The following FYB1 variants were observed in gnomAD, a reference collection of about 807,000 sequenced individuals.
FYB1 encodes FYN-binding protein 1.
FYB1 carries 41 observed loss-of-function variants against 94.1 expected under a neutral mutation model. That is an observed-to-expected ratio of 0.44 (90% CI 0.34 to 0.57). FYB1 has a LOEUF of 0.57. Among genes scored for constraint, FYB1 ranks in the 20% least tolerant of loss-of-function variants. The pLI is 0.02. For synonymous variants in FYB1, 367 were observed against 353.2 expected, an observed-to-expected ratio of 1.04 and a Z score of -0.44; for missense variants, 1,050 against 976.8, an observed-to-expected ratio of 1.07 and a Z score of -1.00.
In FYB1 at chr5:39,141,252, C is replaced by G. The variant is rs1580368819; in HGVS notation, c.1293-111G>C. On this transcript the variant is annotated intron_variant, in intron 3 of 18. Coordinates refer to ENST00000512982, the MANE Select transcript of FYB1 (RefSeq NM_001465.6). The stretch of plus-strand genomic sequence containing the variant: ...ATTGTTCTTTTTTCTTGAACCTTTG[C>G]TCTGATTTAAAGCTTCAGACATCAC... 14 of 785,668 alleles carry G rather than the reference C, an allele frequency of 1.8e-5. No homozygotes were observed. The East Asian group carries it at 3.5e-4, about 20-fold the overall frequency. 48.7% of individuals were successfully genotyped at this position (785,668 alleles called of 1,614,324 possible).
At chr5:39,160,718 A>G (rs1744170114) in intron 2 of FYB1, among the ~76,000 whole-genome samples, 1 of 152,202 alleles carries the variant, frequency 6.6e-6, no homozygotes, top group Non-Finnish European at 1.5e-5. Flanking sequence ...CAGGGCTGCT[A>G]TAAGAATTCA....
At chr5:39,167,276 T>C (rs1441223374) in intron 2 of FYB1, among the ~76,000 whole-genome samples, 4 of 151,944 alleles carry the variant, frequency 2.6e-5, no homozygotes, top group Non-Finnish European at 5.9e-5. Context: ...TCTCTGTCTC[T>C]CTCTCTCTCT....
intron 2 of FYB1, among the ~76,000 whole-genome samples, chr5:39,182,281 GCA>G (rs1357061741): frequency 7.9e-6 from 1 of 126,872 alleles, no homozygotes; most frequent in East Asian, 2.2e-4. Context: ...GTGTGTGTGT[GCA>G]TGCATGTGTG....
chr5:39,210,610 C>A (rs541884754), intron 1 of FYB1, among the ~76,000 whole-genome samples: 5 of 152,302 alleles, frequency 3.3e-5, no homozygotes, highest in South Asian at 4.1e-4. Context: ...CAAATTCGAA[C>A]CTTCAATGTT....
rs768216641 is a variant in FYB1 at position 39,202,287 on chromosome 5, G to T, written c.674C>A (p.Ser225Tyr). ...PMKNVSSSKG[S>Y]PAPLGVRSKS... Reference sequence around the variant, plus strand: ...GGACCTGACTCCCAGGGGAGCTGGGGACCCTTTTGATGAAGACACATTCTT... The same window carrying T: ...GGACCTGACTCCCAGGGGAGCTGGGTACCCTTTTGATGAAGACACATTCTT... Residue 225 changes from serine to tyrosine, a missense_variant, in exon 2 of 19, where the codon TCC (serine) becomes TAC (tyrosine). Ser to Tyr is a moderately radical substitution (Grantham distance 144). Coordinates refer to ENST00000512982, the MANE Select transcript of FYB1 (RefSeq NM_001465.6). The T allele has an allele frequency of 5.6e-6, 9 of 1,613,724 alleles. No homozygotes were observed. In the African/African-American group the frequency reaches 9.4e-5, roughly 17 times the overall value.
Position 39,244,931 on chromosome 5 carries a change from G to C in FYB1, c.-28+29472C>G, listed in dbSNP as rs147811166. Among the ~76,000 whole-genome samples the C allele has an allele frequency of 6.5e-3, 992 of 152,276 alleles. 15 individuals carry two copies. The highest frequency in any genetic ancestry group is 0.023 in the African/African-American group (941 of 41,556). ...AGGTTTTCTAGTTTATTTGCATAGA[G>C]GTGATTATAGTATTATCTGATGGTA... On this transcript the variant is annotated intron_variant, in intron 1 of 1. Transcript: ENST00000510188.
At chr5:39,225,956 A>G (rs1382667798) in intron 1 of FYB1, among the ~76,000 whole-genome samples, 3 of 128,942 alleles carry the variant, frequency 2.3e-5, no homozygotes, top group Non-Finnish European at 5.4e-5. Flanking sequence ...CCACAGTCTG[A>G]TCCAAGGCTT....
chr5:39,256,278 A>G (rs916484894), intron 1 of FYB1, among the ~76,000 whole-genome samples: 1 of 152,176 alleles, frequency 6.6e-6, no homozygotes, highest in Non-Finnish European at 1.5e-5. Context: ...CAAAAGGGAG[A>G]CCTAGCATCA....
intron 15 of FYB1, 29 bp downstream of exon 15, chr5:39,119,506 A>C (rs1561131626): frequency 6.9e-7 from 1 of 1,455,172 alleles, no homozygotes; most frequent in Non-Finnish European, 9.2e-7. Flanking sequence ...AGTGCTTTGT[A>C]CTTTGTATAA....
chr5:39,193,376 A>G (rs953777239), intron 2 of FYB1, among the ~76,000 whole-genome samples: 1 of 152,216 alleles, frequency 6.6e-6, no homozygotes, highest in African/African-American at 2.4e-5. Flanking sequence ...TCCAATTCCC[A>G]AGTTAAAAAT....
intron 1 of FYB1, among the ~76,000 whole-genome samples, chr5:39,244,871 G>T (rs562396277): frequency 6.6e-6 from 1 of 152,150 alleles, no homozygotes; most frequent in Non-Finnish European, 1.5e-5. Context: ...AGTCTTGGGA[G>T]GGTGTATGTG....
intron 2 of FYB1, among the ~76,000 whole-genome samples, chr5:39,187,905 C>T (rs1746990697): frequency 1.3e-5 from 2 of 151,818 alleles, no homozygotes; most frequent in South Asian, 4.2e-4. Context: ...TGGAACAAAC[C>T]TCAAGCCAAT....
chr5:39,152,649 C>T (rs935125400), intron 3 of FYB1, among the ~76,000 whole-genome samples: 1 of 152,182 alleles, frequency 6.6e-6, no homozygotes, highest in Admixed American at 6.5e-5. Context: ...ACCTGCCACT[C>T]GCTTTTTCCT....
chr5:39,108,500 G>T (rs1172359319), intron 17 of FYB1, among the ~76,000 whole-genome samples: 1 of 152,000 alleles, frequency 6.6e-6, no homozygotes, highest in Non-Finnish European at 1.5e-5. Flanking sequence ...CAAGAGCATA[G>T]ACTATGCCTT....
At chr5:39,186,779 T>A (rs1349818556) in intron 2 of FYB1, among the ~76,000 whole-genome samples, 2 of 152,030 alleles carry the variant, frequency 1.3e-5, no homozygotes, top group African/African-American at 4.8e-5. Context: ...ATTAATTAAA[T>A]TGCTGCCAAT....
chr5:39,271,044 A>G (rs1476951746), intron 1 of FYB1, among the ~76,000 whole-genome samples: 1 of 151,698 alleles, frequency 6.6e-6, no homozygotes, highest in Non-Finnish European at 1.5e-5. Flanking sequence ...CTTTTTTTGT[A>G]CTTTTTGGAG....
At chr5:39,171,953 A>T (rs1745285328) in intron 2 of FYB1, among the ~76,000 whole-genome samples, 1 of 152,194 alleles carries the variant, frequency 6.6e-6, no homozygotes, top group South Asian at 2.1e-4. Flanking sequence ...GCAGGGGTGA[A>T]GGATGGTAAA....
At chr5:39,127,607 ATTAAACATTCAAATCAT>A in intron 11 of FYB1, 117 bp downstream of exon 11, 1 of 974,676 alleles carries the variant, frequency 1.0e-6, no homozygotes. Context: ...ATTGCTGTTA[ATTAAACATTCAAATCAT>A]TTGGGGTAAT....
chr5:39,169,599 C>G (rs1745060880), intron 2 of FYB1: 1 of 462,714 alleles, frequency 2.2e-6, no homozygotes, highest in South Asian at 1.7e-5. Context: ...AATCCCAGCA[C>G]TTTGGGAGGC....
Sources: allele counts gnomAD v4.1 joint callset (sites outside exome capture counted in the v4.1 genomes callset), GRCh38; gene constraint gnomAD v4.1.1; transcripts MANE v1.5; gene names NCBI Gene and HGNC (gene_info 2026-07-23, HGNC 2026-07-21).